The following DIAPH2 variants were observed in gnomAD, a reference collection of about 807,000 sequenced individuals.
DIAPH2 encodes the protein protein diaphanous homolog 2.
DIAPH2 carries 35 observed loss-of-function variants against 92.7 expected under a neutral mutation model. The observed-to-expected ratio is 0.38, with a 90% CI of 0.29 to 0.50. The LOEUF (loss-of-function observed/expected upper bound fraction) is 0.50, where lower values mean the gene tolerates loss of function less well. DIAPH2 is among the 20% of genes least tolerant of loss of function. DIAPH2 has a pLI of 0.94. For synonymous variants in DIAPH2, 301 were observed against 280.4 expected, an observed-to-expected ratio of 1.07 and a Z score of -0.73; for missense variants, 701 against 819.5, an observed-to-expected ratio of 0.86 and a Z score of 1.77.
rs12009613 is a variant in DIAPH2, at chrX:97,238,777, T to C, written c.2720-8938T>C. Reference sequence around the variant, plus strand: ...ATGTAAAATGAAACTACCTTATAAATGCACTTGAGAAAGAATGCAACAGTG... The same window carrying C: ...ATGTAAAATGAAACTACCTTATAAACGCACTTGAGAAAGAATGCAACAGTG... On this transcript the variant is annotated intron_variant, in intron 22 of 26. Coordinates refer to ENST00000324765, the MANE Select transcript of DIAPH2 (RefSeq NM_006729.5). 2.8e-4 allele frequency among the ~76,000 whole-genome samples: 31 copies of C among 111,924 alleles called. 1 individual carries two copies. Among genetic ancestry groups the C allele is most frequent in the African/African-American group, 9.1e-4 (28 of 30,900 alleles).
In DIAPH2 at chrX:96,916,435, T is replaced by TA. The variant is rs2065505065; in HGVS notation, c.733-2dup. 1 of 1,109,253 alleles carries TA rather than the reference T, an allele frequency of 9.0e-7. No homozygotes were observed. The highest frequency in any genetic ancestry group is 1.2e-6 in the Non-Finnish European group (1 of 845,315). 91.4% of individuals were successfully genotyped at this position (1,109,253 alleles called of 1,213,427 possible). A position where few individuals can be genotyped will look rare whatever the true frequency, so the allele number is the denominator to read the frequency against. ...AATGAAGGTTTTTTTTTTTTTTTTTTAGTTTGGATTACAAAGGATTCTAGG... is the reference window on the plus strand; with the variant it reads ...AATGAAGGTTTTTTTTTTTTTTTTTTAAGTTTGGATTACAAAGGATTCTAGG... On this transcript the variant is annotated splice_region_variant and splice_polypyrimidine_tract_variant and intron_variant, in intron 7 of 26. Coordinates refer to ENST00000324765, the MANE Select transcript of DIAPH2 (RefSeq NM_006729.5).
chrX:97,271,813 G>GCACACACACACACA (rs780653047), intron 23 of DIAPH2, among the ~76,000 whole-genome samples: 5 of 91,555 alleles, frequency 5.5e-5, no homozygotes, highest in Non-Finnish European at 1.1e-4. Context: ...ATATATATAT[G>GCACACACACACACA]CACACACACA....
chrX:96,971,619 T>C (rs2065928159), intron 17 of DIAPH2, among the ~76,000 whole-genome samples: 1 of 111,685 alleles, frequency 9.0e-6, no homozygotes, highest in African/African-American at 3.3e-5. Context: ...CCAAACAAAA[T>C]TCATACAAAA....
intron 23 of DIAPH2, among the ~76,000 whole-genome samples, chrX:97,258,411 T>A (rs2068256230): frequency 9.1e-6 from 1 of 110,207 alleles, no homozygotes; most frequent in African/African-American, 3.3e-5. Flanking sequence ...CCGTCTCTAC[T>A]AAAAATACAA....
intron 4 of DIAPH2, among the ~76,000 whole-genome samples, chrX:96,851,201 A>G (rs1208716076): frequency 1.8e-5 from 2 of 111,897 alleles, no homozygotes; most frequent in African/African-American, 6.5e-5. Context: ...TCCCAGGTTT[A>G]AGCAATCCTG....
chrX:97,604,487 C>A lies in DIAPH2; in HGVS notation c.*5170C>A, dbSNP rs2071609990. On this transcript the variant is annotated 3_prime_UTR_variant, in exon 27 of 27. Transcript: ENST00000324765. ...TAAGATGCATTCTTGGTGCTCAAAC[C>A]AGATCGAAGTTTGTCTCTAAAAGCT... is the stretch of plus-strand genomic sequence containing the variant. 1 of 111,885 alleles carries A rather than the reference C, an allele frequency of 8.9e-6. No individual in the cohort carries two copies. Among genetic ancestry groups the A allele is most frequent in the African/African-American group, 3.3e-5 (1 of 30,676 alleles). The allele number at this position is 111,885 out of a possible 1,213,427, so 9.2% of individuals were successfully genotyped here.
chrX:97,509,971 G>A (rs1319448257), intron 26 of DIAPH2, among the ~76,000 whole-genome samples: 1 of 110,712 alleles, frequency 9.0e-6, no homozygotes, highest in South Asian at 3.9e-4. Flanking sequence ...ATAAACATAC[G>A]TGTGCATGTG....
chrX:96,779,382 A>G (rs2064400104), intron 4 of DIAPH2, among the ~76,000 whole-genome samples: 1 of 112,237 alleles, frequency 8.9e-6, no homozygotes, highest in African/African-American at 3.2e-5. Context: ...CTATACCCAT[A>G]CTAACTCATT....
intron 25 of DIAPH2, among the ~76,000 whole-genome samples, chrX:97,392,120 A>T (rs761669424): frequency 8.9e-6 from 1 of 112,244 alleles, no homozygotes; most frequent in African/African-American, 3.2e-5. Flanking sequence ...AGTGAAGATC[A>T]GTCTTAGCTC....
chrX:97,567,532 G>T (rs976223722), intron 26 of DIAPH2, among the ~76,000 whole-genome samples: 1 of 111,526 alleles, frequency 9.0e-6, no homozygotes, highest in Non-Finnish European at 1.9e-5. Context: ...ACAGATCTTT[G>T]CCTGGTACTC....
intron 26 of DIAPH2, among the ~76,000 whole-genome samples, chrX:97,538,791 A>T (rs2071116788): frequency 8.9e-6 from 1 of 112,022 alleles, no homozygotes; most frequent in Non-Finnish European, 1.9e-5. Context: ...ATAAAGTCAA[A>T]AGTGAAGATA....
At chrX:97,090,291 C>G (rs1236724204) in intron 19 of DIAPH2, among the ~76,000 whole-genome samples, 1 of 82,881 alleles carries the variant, frequency 1.2e-5, no homozygotes. Flanking sequence ...CTGATTGTCT[C>G]TGATCCCTTT....
intron 22 of DIAPH2, among the ~76,000 whole-genome samples, chrX:97,193,303 C>T (rs192267159): frequency 1.6e-4 from 18 of 111,407 alleles, no homozygotes; most frequent in East Asian, 5.6e-4. Flanking sequence ...CATAAGCCAC[C>T]GTGCCCAGCC....
rs2067572926 is a variant in DIAPH2 at position 97,185,313 on chromosome X, A to ATATATATGTGTATATATATATATG, written c.2719+43526_2719+43527insGTGTATATATATATATGTATATAT. Among the ~76,000 whole-genome samples, 14 of 31,268 alleles carry ATATATATGTGTATATATATATATG rather than the reference A, an allele frequency of 4.5e-4. 4 individuals are homozygous for ATATATATGTGTATATATATATATG. The South Asian group carries it at 1.0e-2, about 22-fold the overall frequency. 27.2% of individuals were successfully genotyped at this position (31,268 alleles called of 115,157 possible). ...CTGTCTCAAAAAAAAAAAAATATATATATATATATATGTGTATATATATAT... is the reference window on the plus strand; with the variant it reads ...CTGTCTCAAAAAAAAAAAAATATATATATATATGTGTATATATATATATGTATATATATATGTGTATATATATAT... On this transcript the variant is annotated intron_variant, in intron 22 of 26. Transcript: ENST00000324765.
At chrX:96,983,520 T>A (rs1010850951) in intron 17 of DIAPH2, among the ~76,000 whole-genome samples, 13 of 112,440 alleles carry the variant, frequency 1.2e-4, no homozygotes, top group African/African-American at 3.9e-4. Context: ...TTAAATTGTT[T>A]AATAATGAAG....
chrX:97,109,893 A>C (rs1282737965), intron 20 of DIAPH2, among the ~76,000 whole-genome samples: 3 of 111,743 alleles, frequency 2.7e-5, no homozygotes, highest in African/African-American at 9.8e-5. Context: ...TCAATGAAGA[A>C]TTTTTGCCAG....
intron 26 of DIAPH2, among the ~76,000 whole-genome samples, chrX:97,469,513 T>C (rs2070544163): frequency 8.9e-6 from 1 of 111,799 alleles, no homozygotes; most frequent in Admixed American, 9.5e-5. Flanking sequence ...AATATGAGAT[T>C]TGTGTATTAT....
chrX:96,728,233 G>A (rs1380432126), intron 1 of DIAPH2, among the ~76,000 whole-genome samples: 2 of 106,586 alleles, frequency 1.9e-5, no homozygotes, highest in African/African-American at 3.4e-5. Context: ...TTGGTTTGAC[G>A]GAGTCCCACT....
intron 26 of DIAPH2, among the ~76,000 whole-genome samples, chrX:97,584,089 G>C (rs1181327850): frequency 8.9e-6 from 1 of 112,568 alleles, no homozygotes; most frequent in Non-Finnish European, 1.9e-5. Context: ...TCCCTAGTGA[G>C]ATGAACCCGG....
Sources: allele counts gnomAD v4.1 joint callset (sites outside exome capture counted in the v4.1 genomes callset), GRCh38; gene constraint gnomAD v4.1.1; transcripts MANE v1.5; gene names NCBI Gene and HGNC (gene_info 2026-07-23, HGNC 2026-07-21).